The following FAAH2 variants were observed in gnomAD, a reference collection of about 807,000 sequenced individuals.
FAAH2 encodes the protein fatty-acid amide hydrolase 2.
In FAAH2, 60 loss-of-function variants were observed where a neutral mutation model predicts 36.9. That is an observed-to-expected ratio of 1.63 (90% CI 1.32 to 2.02). The LOEUF is 2.02. Among genes scored for constraint, FAAH2 ranks in the 30% most tolerant of loss-of-function variants. The probability of loss-of-function intolerance (pLI) is 0.00; values close to 1 mark genes in which losing one functional copy is unlikely to be tolerated. For missense variants in FAAH2, 689 were observed against 397.5 expected, an observed-to-expected ratio of 1.73 and a Z score of -6.23; for synonymous variants, 214 against 143.8, an observed-to-expected ratio of 1.49 and a Z score of -3.49.
At chrX:57,179,714 G>A in the FAAH2 span, among the ~76,000 whole-genome samples, 399 of 111,049 alleles carry the variant, frequency 3.6e-3, 4 homozygotes, top group African/African-American at 0.012. Context: ...GAACATCAAG[G>A]CCCAGAATTA....
the FAAH2 span, among the ~76,000 whole-genome samples, chrX:57,267,636 G>A: frequency 1.8e-5 from 2 of 111,848 alleles, no homozygotes; most frequent in Non-Finnish European, 3.8e-5. Flanking sequence ...ACACACCTCA[G>A]TTCCCCCAGT....
chrX:57,306,696 G>C (rs1439004536), intron 2 of FAAH2, among the ~76,000 whole-genome samples: 1 of 9,276 alleles, frequency 1.1e-4, no homozygotes, highest in African/African-American at 1.2e-4. Flanking sequence ...CATCTTGTGT[G>C]TGTGTGTGTG....
chrX:57,148,502 G>T, the FAAH2 span, among the ~76,000 whole-genome samples: 2 of 110,707 alleles, frequency 1.8e-5, no homozygotes, highest in South Asian at 7.7e-4. Context: ...GGATTCCTAG[G>T]TATTTTATTC....
At chrX:57,235,006 C>G in the FAAH2 span, among the ~76,000 whole-genome samples, 2 of 111,536 alleles carry the variant, frequency 1.8e-5, no homozygotes, top group Non-Finnish European at 3.8e-5. Flanking sequence ...ACACTGCACT[C>G]CAGCCTGGGT....
chrX:57,313,404 A>G (rs2052749362), intron 3 of FAAH2, among the ~76,000 whole-genome samples: 1 of 109,504 alleles, frequency 9.1e-6, no homozygotes, highest in African/African-American at 3.3e-5. Context: ...GCCACATACT[A>G]TATAAGATGA....
At chrX:57,311,482 A>C (rs1003486248) in intron 3 of FAAH2, among the ~76,000 whole-genome samples, 2 of 111,729 alleles carry the variant, frequency 1.8e-5, no homozygotes, top group African/African-American at 6.5e-5. Flanking sequence ...GATCTGATGG[A>C]GAGCAGGCAG....
intron 1 of FAAH2, chrX:57,290,355 C>G (rs2051940490): frequency 1.6e-6 from 1 of 636,903 alleles, no homozygotes; most frequent in African/African-American, 2.5e-5. Context: ...TCTGTATACA[C>G]TAGACTATTG....
chrX:57,187,251 GT>G, the FAAH2 span, among the ~76,000 whole-genome samples: 1 of 110,548 alleles, frequency 9.0e-6, no homozygotes, highest in Admixed American at 9.7e-5. Flanking sequence ...CAGTGGAGTG[GT>G]TTCAGTTCTC....
chrX:57,273,196 G>A, the FAAH2 span, among the ~76,000 whole-genome samples: 1 of 111,766 alleles, frequency 8.9e-6, no homozygotes, highest in Non-Finnish European at 1.9e-5. Flanking sequence ...AGGGATCAAT[G>A]CAGCAATGAG....
intron 7 of FAAH2, among the ~76,000 whole-genome samples, chrX:57,414,420 C>A (rs955647021): frequency 3.6e-5 from 4 of 111,793 alleles, no homozygotes; most frequent in Non-Finnish European, 7.5e-5. Context: ...GAGCTTTTAG[C>A]ATGAAAGGGT....
the FAAH2 span, among the ~76,000 whole-genome samples, chrX:57,148,243 A>G: frequency 1.1e-4 from 12 of 111,514 alleles, no homozygotes; most frequent in Admixed American, 1.1e-3. Context: ...TTGGTGATGC[A>G]GGCTCTTTTT....
At chrX:57,226,494 T>C in the FAAH2 span, among the ~76,000 whole-genome samples, 1 of 112,256 alleles carries the variant, frequency 8.9e-6, no homozygotes, top group African/African-American at 3.2e-5. Flanking sequence ...CCTTCTAGGT[T>C]GTAGGGTTTC....
At chrX:57,335,366 G>A (rs997685664) in intron 4 of FAAH2, among the ~76,000 whole-genome samples, 3 of 112,102 alleles carry the variant, frequency 2.7e-5, no homozygotes, top group Non-Finnish European at 5.6e-5. Flanking sequence ...AGGGGGATGT[G>A]GCAGGACAAT....
At chrX:57,338,909 C>G (rs1249357664) in intron 4 of FAAH2, among the ~76,000 whole-genome samples, 1 of 110,952 alleles carries the variant, frequency 9.0e-6, no homozygotes, top group African/African-American at 3.3e-5. Context: ...GAAAAAAAAA[C>G]CTATTTTAAA....
chrX:57,422,646 C>T (rs1053818666), intron 7 of FAAH2, among the ~76,000 whole-genome samples: 13 of 111,802 alleles, frequency 1.2e-4, no homozygotes, highest in Admixed American at 6.6e-4. Flanking sequence ...CTCAGGTTCA[C>T]TCCATTGTTC....
At chrX:57,319,560 T>G (rs1466526340) in intron 3 of FAAH2, among the ~76,000 whole-genome samples, 1 of 111,807 alleles carries the variant, frequency 8.9e-6, no homozygotes, top group Non-Finnish European at 1.9e-5. Flanking sequence ...TGCTCATGGG[T>G]AGAAAGAATC....
At chrX:57,453,662 T>C (rs954329192) in intron 10 of FAAH2, among the ~76,000 whole-genome samples, 4 of 111,700 alleles carry the variant, frequency 3.6e-5, no homozygotes, top group African/African-American at 1.3e-4. Context: ...AATCCATGTC[T>C]GATAGAGCTT....
At chrX:57,320,592 A>T (rs1204254605) in intron 3 of FAAH2, among the ~76,000 whole-genome samples, 3 of 112,511 alleles carry the variant, frequency 2.7e-5, no homozygotes, top group East Asian at 5.5e-4. Context: ...TAGTTCAATC[A>T]TTGTTGAAGA....
the FAAH2 span, among the ~76,000 whole-genome samples, chrX:57,197,775 G>T: frequency 8.9e-6 from 1 of 111,799 alleles, no homozygotes; most frequent in Admixed American, 9.5e-5. Context: ...CTCCAGTGAA[G>T]GTAGCAGGGA....
Sources: gnomAD v4.1 joint callset for allele counts (sites outside exome capture counted in the v4.1 genomes callset) on GRCh38, gnomAD v4.1.1 for gene constraint, MANE v1.5 for transcripts, NCBI Gene and HGNC (gene_info 2026-07-23, HGNC 2026-07-21) for gene names.